ZNF704: variants seen among roughly 807,000 people sequenced by gnomAD.
ZNF704 encodes glucocorticoid induced gene 1.
Under a neutral mutation model 44.7 loss-of-function variants are expected in ZNF704, and 10 were observed. The observed-to-expected ratio is 0.22, with a 90% confidence interval of 0.14 to 0.38. The LOEUF is 0.38. Among genes scored for constraint, ZNF704 ranks in the 10% least tolerant of loss-of-function variants. The pLI is 1.00. For synonymous variants in ZNF704, 211 were observed against 207.6 expected (o/e 1.02, Z -0.14); for missense variants, 390 against 545.5 (o/e 0.71, Z 2.84).
rs549529730 is a variant in ZNF704, at chr8:80,832,815, C to A, written c.-21-11200G>T. On this transcript the variant is annotated intron_variant, in intron 1 of 8. Coordinates refer to ENST00000327835, the MANE Select transcript of ZNF704 (RefSeq NM_001033723.3). ...CACTCACCAGGAAACCATAAAATCACACCTGAAAAAGTTTATAAAATTTTT... is the reference window on the plus strand; with the variant it reads ...CACTCACCAGGAAACCATAAAATCAAACCTGAAAAAGTTTATAAAATTTTT... 4.6e-5 allele frequency among the ~76,000 whole-genome samples: 7 copies of A among 152,252 alleles called. No individual in the cohort carries two copies. The South Asian group carries it at 1.5e-3, about 32-fold the overall frequency.
At position 80,705,760 on chromosome 8, in the gene ZNF704, T is replaced by C. The variant is rs546952791; in HGVS notation, c.222-12653A>G. 2.5e-4 allele frequency among the ~76,000 whole-genome samples: 38 copies of C among 152,296 alleles called. 1 individual carries two copies. The South Asian group carries it at 4.3e-3, about 17-fold the overall frequency. ...TCTGGCTGCCAGGGCAGCCAGCCTC[T>C]TTCTTCTAGCTCTCTGGGATGGCAA... On this transcript the variant is annotated intron_variant, in intron 2 of 8. Coordinates refer to ENST00000327835, the MANE Select transcript of ZNF704 (RefSeq NM_001033723.3).
intron 2 of ZNF704, among the ~76,000 whole-genome samples, chr8:80,729,061 C>T (rs1451510326): frequency 3.3e-5 from 5 of 152,162 alleles, no homozygotes; most frequent in African/African-American, 9.7e-5. Flanking sequence ...TCCCTCCCCT[C>T]ACTCCTCAAG....
intron 2 of ZNF704, among the ~76,000 whole-genome samples, chr8:80,799,697 A>G (rs1807867105): frequency 1.3e-5 from 2 of 152,214 alleles, no homozygotes. Flanking sequence ...AGACGCCCAC[A>G]ATGATGAGAA....
chr8:80,730,062 G>A lies in ZNF704; in HGVS notation c.222-36955C>T, dbSNP rs549218331. Among the ~76,000 whole-genome samples, 8 of 152,208 alleles carry A rather than the reference G, an allele frequency of 5.3e-5. No homozygotes were observed. In the South Asian group the frequency reaches 8.3e-4, roughly 16 times the overall value. On this transcript the variant is annotated intron_variant, in intron 2 of 8. Coordinates refer to ENST00000327835, the MANE Select transcript of ZNF704 (RefSeq NM_001033723.3). The stretch of plus-strand genomic sequence containing the variant: ...CACCAACACCTATGCATAGGTGGAC[G>A]GAAACAGAACACACCTGAGAAGATG...
intron 2 of ZNF704, among the ~76,000 whole-genome samples, chr8:80,744,913 T>C (rs1806819797): frequency 6.6e-6 from 1 of 152,208 alleles, no homozygotes; most frequent in South Asian, 2.1e-4. Context: ...CTTGTAGTAG[T>C]AAATTGCTAT....
intron 2 of ZNF704, among the ~76,000 whole-genome samples, chr8:80,814,709 T>G (rs1808147078): frequency 6.6e-6 from 1 of 152,240 alleles, no homozygotes; most frequent in Admixed American, 6.5e-5. Flanking sequence ...CAATGCTCTA[T>G]TTTTTAAAAA....
At chr8:80,684,678 C>T (rs1818505514) in intron 4 of ZNF704, among the ~76,000 whole-genome samples, 1 of 152,182 alleles carries the variant, frequency 6.6e-6, no homozygotes, top group African/African-American at 2.4e-5. Context: ...ATTACAGTTA[C>T]TGTGTTCTGT....
chr8:80,781,803 G>A (rs1291431569), intron 2 of ZNF704, among the ~76,000 whole-genome samples: 1 of 152,184 alleles, frequency 6.6e-6, no homozygotes. Context: ...CATTGTGCTG[G>A]AGCAGTGATT....
At chr8:80,831,023 G>C (rs1282488526) in intron 1 of ZNF704, among the ~76,000 whole-genome samples, 1 of 151,872 alleles carries the variant, frequency 6.6e-6, no homozygotes, top group Non-Finnish European at 1.5e-5. Context: ...CAAAGTGCTG[G>C]GAATACAAGC....
At chr8:80,848,454 C>T (rs1195676191) in intron 1 of ZNF704, among the ~76,000 whole-genome samples, 1 of 152,156 alleles carries the variant, frequency 6.6e-6, no homozygotes, top group African/African-American at 2.4e-5. Context: ...TATGGTTACA[C>T]AAGATGTTAC....
intron 2 of ZNF704, among the ~76,000 whole-genome samples, chr8:80,813,772 A>G (rs1204477353): frequency 1.3e-5 from 2 of 152,124 alleles, no homozygotes; most frequent in Non-Finnish European, 2.9e-5. Context: ...CCAGCTACTC[A>G]GGAGGCTGAA....
At chr8:80,736,287 T>A (rs1465037211) in intron 2 of ZNF704, among the ~76,000 whole-genome samples, 1 of 152,256 alleles carries the variant, frequency 6.6e-6, no homozygotes, top group African/African-American at 2.4e-5. Flanking sequence ...GTTACTTTTT[T>A]GTTATTTTTT....
At position 80,870,413 on chromosome 8, in the gene ZNF704, G is replaced by A. The variant is rs963111109; in HGVS notation, c.-22+4158C>T. Among the ~76,000 whole-genome samples, 11 of 152,152 alleles carry A rather than the reference G, an allele frequency of 7.2e-5. No homozygotes were observed. In the East Asian group the frequency reaches 7.7e-4, roughly 11 times the overall value. The stretch of plus-strand genomic sequence containing the variant: ...TGTCCCTCTGTCCACACCTCTCATC[G>A]GCTGCTCAGCCTACTCCAAGCACAT... On this transcript the variant is annotated intron_variant, in intron 1 of 8. Coordinates refer to ENST00000327835, the MANE Select transcript of ZNF704 (RefSeq NM_001033723.3).
intron 2 of ZNF704, among the ~76,000 whole-genome samples, chr8:80,726,700 T>A (rs1488637202): frequency 6.6e-6 from 1 of 152,128 alleles, no homozygotes. Context: ...CCTATTTCAG[T>A]GTATGTTTAA....
intron 2 of ZNF704, among the ~76,000 whole-genome samples, chr8:80,793,836 A>AT (rs1278612026): frequency 6.6e-6 from 1 of 152,170 alleles, no homozygotes; most frequent in Non-Finnish European, 1.5e-5. Flanking sequence ...CTGAGAAGTT[A>AT]TTTTTTATTT....
At chr8:80,781,465 T>C (rs1477940134) in intron 2 of ZNF704, among the ~76,000 whole-genome samples, 1 of 152,250 alleles carries the variant, frequency 6.6e-6, no homozygotes, top group Non-Finnish European at 1.5e-5. Flanking sequence ...AATATTATTC[T>C]TCTTTTGATT....
intron 2 of ZNF704, among the ~76,000 whole-genome samples, chr8:80,758,491 G>T (rs933298438): frequency 6.6e-6 from 1 of 151,952 alleles, no homozygotes; most frequent in African/African-American, 2.4e-5. Flanking sequence ...ACCAACAATG[G>T]TTTTGTAGAT....
rs1817662126 is a variant in ZNF704, at chr8:80,636,273, G to T, written c.*5093C>A. 1 of 152,150 alleles carries T rather than the reference G, an allele frequency of 6.6e-6. No homozygotes were observed. The highest frequency in any genetic ancestry group is 1.5e-5 in the Non-Finnish European group (1 of 68,014). The allele number at this position is 152,150 out of a possible 1,614,324, so 9.4% of individuals were successfully genotyped here. A position where few individuals can be genotyped will look rare whatever the true frequency, so the allele number is the denominator to read the frequency against. On this transcript the variant is annotated 3_prime_UTR_variant, in exon 9 of 9. Transcript: ENST00000327835. ...ACCCACAACAAAAGTTATAAAACAT[G>T]AGATTGTCTTCAAAAAAAGGAACTA...
At chr8:80,751,362 C>T (rs1806939855) in intron 2 of ZNF704, among the ~76,000 whole-genome samples, 2 of 152,096 alleles carry the variant, frequency 1.3e-5, no homozygotes, top group South Asian at 2.1e-4. Flanking sequence ...AACCTGTGGG[C>T]CTGAAGTTTC....
Sources: gnomAD v4.1 joint callset for allele counts (sites outside exome capture counted in the v4.1 genomes callset) on GRCh38, gnomAD v4.1.1 for gene constraint, MANE v1.5 for transcripts, NCBI Gene and HGNC (gene_info 2026-07-23, HGNC 2026-07-21) for gene names.